MED14: variants seen among roughly 807,000 people sequenced by gnomAD.
The protein encoded by MED14 is mediator complex subunit 14, also known as mediator of RNA polymerase II transcription subunit 14.
Under a neutral mutation model 109.0 loss-of-function variants are expected in MED14, and 8 were observed. The observed-to-expected ratio is 0.07, with a 90% confidence interval of 0.04 to 0.13. The LOEUF is 0.13. Ranked by LOEUF, MED14 falls within the 10% of genes least tolerant of loss-of-function variation. MED14 has a pLI of 1.00. For synonymous variants in MED14, 399 were observed against 408.7 expected, an observed-to-expected ratio of 0.98 and a Z score of 0.29; for missense variants, 711 against 1,142.4, an observed-to-expected ratio of 0.62 and a Z score of 5.44.
At chrX:40,721,401 C>T (rs1036663749) in intron 3 of MED14, among the ~76,000 whole-genome samples, 1 of 112,431 alleles carries the variant, frequency 8.9e-6, no homozygotes, top group South Asian at 3.7e-4. Context: ...GGGGAGGCTC[C>T]TCTGCCTGTG....
In MED14 at chrX:40,688,528, C is replaced by T; in HGVS notation, c.1983G>A (p.Leu661=). The change falls in exon 16 of 31, where the codon TTG becomes TTA. Residue 661 remains leucine (L), a splice_region_variant and synonymous_variant. Coordinates refer to ENST00000324817, the MANE Select transcript of MED14 (RefSeq NM_004229.4). ...CTTGATGTGGAATCTCCAGATTGGA[C>T]AACTAGAAAGAGAAAAACAATTATA... ...NMPFVGLRLE[L]SNLEIPHQGV... 3 of 1,189,407 alleles carry T rather than the reference C, an allele frequency of 2.5e-6. No homozygotes were observed. The highest frequency in any genetic ancestry group is 3.4e-6 in the Non-Finnish European group (3 of 875,086).
At chrX:40,711,682 G>GCATGATCTCGGCT (rs1240762816) in intron 7 of MED14, among the ~76,000 whole-genome samples, 1 of 109,825 alleles carries the variant, frequency 9.1e-6, no homozygotes. Flanking sequence ...GAGTGCAGTG[G>GCATGATCTCGGCT]CATGATCTCG....
intron 23 of MED14, among the ~76,000 whole-genome samples, chrX:40,670,623 C>T (rs6609085): frequency 0.013 from 1,473 of 110,044 alleles, 68 homozygotes; most frequent in Admixed American, 0.12. Flanking sequence ...TAGCCGGGCG[C>T]GGTAGCGGGC....
intron 22 of MED14, among the ~76,000 whole-genome samples, chrX:40,673,533 A>C (rs1016200061): frequency 8.9e-6 from 1 of 112,026 alleles, no homozygotes; most frequent in Non-Finnish European, 1.9e-5. Context: ...CCAAATCAGA[A>C]TATCTAATAA....
At position 40,656,422 on chromosome X, in the gene MED14, A is replaced by G. The variant is rs1434105717; in HGVS notation, c.3973-1362T>C. Among the ~76,000 whole-genome samples, 11 of 112,633 alleles carry G rather than the reference A, an allele frequency of 9.8e-5. No individual in the cohort carries two copies. The East Asian group carries it at 3.0e-3, about 31-fold the overall frequency. On this transcript the variant is annotated intron_variant, in intron 28 of 30. Coordinates refer to ENST00000324817, the MANE Select transcript of MED14 (RefSeq NM_004229.4). ...TACAAATTAGAAAGACCCAAAGTCT[A>G]AACGCTGATAAAACTGTTGACAAGG...
At chrX:40,705,089 A>C (rs1276075315) in intron 10 of MED14, among the ~76,000 whole-genome samples, 1 of 112,373 alleles carries the variant, frequency 8.9e-6, no homozygotes, top group African/African-American at 3.2e-5. Flanking sequence ...TGAAAAAAAC[A>C]GAACAAAAAG....
intron 28 of MED14, among the ~76,000 whole-genome samples, chrX:40,655,787 CA>C (rs1469444192): frequency 1.8e-5 from 2 of 111,498 alleles, no homozygotes; most frequent in Non-Finnish European, 3.8e-5. Flanking sequence ...AGACTATTAG[CA>C]AAAGAACACT....
chrX:40,696,905 T>G, intron 13 of MED14, 119 bp downstream of exon 13: 1 of 643,453 alleles, frequency 1.6e-6, no homozygotes, highest in Non-Finnish European at 2.4e-6. Context: ...CCCCTGGGTT[T>G]CACTATACCA....
In MED14 at chrX:40,692,877, T is replaced by C. The variant is rs148592339; in HGVS notation, c.1676A>G (p.Asn559Ser). 4.8e-4 allele frequency: 563 copies of C among 1,175,442 alleles called. 1 individual carries two copies. In the African/African-American group the frequency reaches 9.1e-3, roughly 19 times the overall value. The change falls in exon 14 of 31, where the codon AAT becomes AGT. Residue 559 changes from asparagine to serine, a missense_variant. Coordinates refer to ENST00000324817, the MANE Select transcript of MED14 (RefSeq NM_004229.4). ...CTTGTACGACAGTTGTGTGGGTTTA[T>C]TGGGAACCTCCAACATCTCCACAAC... is the stretch of plus-strand genomic sequence containing the variant. ...YIVVEMLEVPNKPTQLSYKYY... is the reference protein window; with the variant it reads ...YIVVEMLEVPSKPTQLSYKYY...
intron 3 of MED14, among the ~76,000 whole-genome samples, chrX:40,725,882 A>C (rs892328472): frequency 1.8e-5 from 2 of 111,917 alleles, no homozygotes; most frequent in African/African-American, 6.5e-5. Flanking sequence ...GGAAAGGAAG[A>C]AGTCAAATTA....
chrX:40,683,188 C>A (rs972133898), intron 16 of MED14, among the ~76,000 whole-genome samples, 192 bp from the exon 17 acceptor site: 1 of 112,388 alleles, frequency 8.9e-6, no homozygotes, highest in Admixed American at 9.4e-5. Flanking sequence ...TGGATTAGAA[C>A]TCTCATTTTA....
intron 15 of MED14, among the ~76,000 whole-genome samples, chrX:40,691,427 A>G (rs1277291559): frequency 9.0e-6 from 1 of 110,514 alleles, no homozygotes; most frequent in Non-Finnish European, 1.9e-5. Context: ...TAAAATGTTA[A>G]TTCTTAAAAA....
chrX:40,732,640 C>T (rs1390597884), intron 1 of MED14, among the ~76,000 whole-genome samples: 4 of 108,327 alleles, frequency 3.7e-5, no homozygotes, highest in Non-Finnish European at 3.8e-5. Flanking sequence ...ATTAGCTGGG[C>T]GTGGTGGCGC....
intron 14 of MED14, 48 bp downstream of exon 14, chrX:40,692,660 C>G: frequency 1.8e-6 from 2 of 1,114,008 alleles, no homozygotes; most frequent in Non-Finnish European, 2.4e-6. Flanking sequence ...AGAACACAAC[C>G]AAGTTAACAC....
At position 40,682,611 on chromosome X, in the gene MED14, G is replaced by C; in HGVS notation, c.2357C>G (p.Ser786Cys). Residue 786 changes from serine (S) to cysteine (C), a missense_variant, in exon 18 of 31, where the codon TCT becomes TGT. Ser to Cys is a moderately radical substitution (Grantham distance 112, BLOSUM62 -1). Around this residue, in one of 8 missense-constraint regions of MED14, gnomAD observed 388 missense variants for 517.3 expected, o/e 0.75. Coordinates refer to ENST00000324817, the MANE Select transcript of MED14 (RefSeq NM_004229.4). ...ATTATCTCCACACGTACCTGGTAGA[G>C]AACGTGCAAATTCCAACACACACTC... is the stretch of plus-strand genomic sequence containing the variant. ...LYECVLEFAR[S>C]LPDIPAHLNI... 1 of 1,170,922 alleles carries C rather than the reference G, an allele frequency of 8.5e-7. No individual in the cohort carries two copies. The highest frequency in any genetic ancestry group is 1.1e-6 in the Non-Finnish European group (1 of 873,900).
intron 2 of MED14, among the ~76,000 whole-genome samples, chrX:40,728,824 T>C (rs1931982025): frequency 3.4e-5 from 3 of 88,680 alleles, no homozygotes; most frequent in Non-Finnish European, 6.0e-5. Flanking sequence ...GCCAACTTTC[T>C]TTTTTTTTTT....
intron 23 of MED14, among the ~76,000 whole-genome samples, chrX:40,671,137 G>A (rs191292462): frequency 2.7e-5 from 3 of 111,481 alleles, no homozygotes; most frequent in South Asian, 3.7e-4. Context: ...AGTAGGCAAC[G>A]GGTCATTCTC....
chrX:40,654,256 T>TG, intron 30 of MED14, 108 bp downstream of exon 30: 1 of 665,228 alleles, frequency 1.5e-6, no homozygotes, highest in Non-Finnish European at 2.2e-6. Context: ...TTGCTATGAT[T>TG]GGGTGGTAGA....
chrX:40,676,541 C>T (rs1929915274), intron 21 of MED14, among the ~76,000 whole-genome samples: 1 of 111,989 alleles, frequency 8.9e-6, no homozygotes, highest in African/African-American at 3.2e-5. Context: ...AAGCTATTTC[C>T]ATCCAGATCC....
Sources: gnomAD v4.1 joint callset for allele counts (sites outside exome capture counted in the v4.1 genomes callset) on GRCh38, gnomAD v4.1.1 for gene constraint, gnomAD v4.1.1 regional missense constraint, MANE v1.5 for transcripts, NCBI Gene and HGNC (gene_info 2026-07-23, HGNC 2026-07-21) for gene names.